The following SAMMSON variants were observed in gnomAD, a reference collection of about 807,000 sequenced individuals.
SAMMSON encodes the protein long intergenic non-protein coding RNA 1212.
chr3:70,185,791 C>T (rs1576147241), intron 4 of SAMMSON, among the ~76,000 whole-genome samples: 1 of 111,004 alleles, frequency 9.0e-6, no homozygotes, highest in Non-Finnish European at 1.8e-5. Flanking sequence ...AGCAGCATAG[C>T]AAGACCCCGC....
chr3:70,313,189 C>G (rs1702469821), intron 7 of SAMMSON, among the ~76,000 whole-genome samples: 1 of 152,108 alleles, frequency 6.6e-6, no homozygotes, highest in Non-Finnish European at 1.5e-5. Flanking sequence ...TTTTGCCAGA[C>G]ATGGTGGCTC....
chr3:70,220,891 A>G (rs1701456027), intron 4 of SAMMSON, among the ~76,000 whole-genome samples: 2 of 152,146 alleles, frequency 1.3e-5, no homozygotes, highest in South Asian at 4.1e-4. Flanking sequence ...GAGGGGAACC[A>G]TGCCTTGGCA....
rs551531989 is a variant in SAMMSON at position 70,358,560 on chromosome 3, G to A, written n.913+236G>A. Among the ~76,000 whole-genome samples the A allele has an allele frequency of 1.2e-3, 179 of 152,218 alleles. 1 individual carries two copies. The highest frequency in any genetic ancestry group is 4.2e-3 in the African/African-American group (175 of 41,552). ...GAAAAGAAACAGATGGCAAGTAATT[G>A]AGAGCTCATTGGCCAGAAGTGGCAT... On this transcript the variant is annotated intron_variant and non_coding_transcript_variant, in intron 9 of 9. Coordinates refer to ENST00000642114, the Ensembl canonical transcript of SAMMSON.
chr3:70,170,133 GT>G, intron 4 of SAMMSON, among the ~76,000 whole-genome samples: 1 of 151,970 alleles, frequency 6.6e-6, no homozygotes, highest in Admixed American at 6.6e-5. Context: ...ACTACCGGGA[GT>G]TTTATGATTT....
At chr3:70,031,714 G>A (rs1491695) in intron 3 of SAMMSON, among the ~76,000 whole-genome samples, 85,319 of 151,950 alleles carry the variant, frequency 0.56, 25,749 homozygotes, top group African/African-American at 0.77. Flanking sequence ...GTGTATGCCT[G>A]ATTAGTGGGA....
rs563192179 is a variant in SAMMSON, at chr3:70,356,207, C to T, written n.842+1930C>T. ...ATTAACTTTTTTACAAAATCATTGG[C>T]TTTTTATAGATTATAAAATAGTATA... On this transcript the variant is annotated intron_variant and non_coding_transcript_variant, in intron 8 of 9. Transcript: ENST00000642114. 1.4e-4 allele frequency among the ~76,000 whole-genome samples: 22 copies of T among 152,128 alleles called. No individual in the cohort carries two copies. In the East Asian group the frequency reaches 4.3e-3, roughly 29 times the overall value.
At chr3:70,197,550 A>C (rs575043295) in intron 4 of SAMMSON, among the ~76,000 whole-genome samples, 11 of 152,304 alleles carry the variant, frequency 7.2e-5, no homozygotes, top group African/African-American at 2.6e-4. Flanking sequence ...GGACTCCCCA[A>C]ATACAAGGGG....
chr3:70,044,600 G>A (rs1350215366), intron 3 of SAMMSON, among the ~76,000 whole-genome samples: 1 of 151,874 alleles, frequency 6.6e-6, no homozygotes, highest in Non-Finnish European at 1.5e-5. Context: ...GTGAAGATAC[G>A]GATTGGTGTC....
At chr3:70,057,852 G>A (rs940504824) in intron 3 of SAMMSON, among the ~76,000 whole-genome samples, 6 of 152,022 alleles carry the variant, frequency 3.9e-5, no homozygotes, top group Admixed American at 1.3e-4. Context: ...GGCAAACACT[G>A]TCATTTTCTC....
chr3:70,400,205 C>T (rs1701128734), intron 2 of SAMMSON, among the ~76,000 whole-genome samples: 1 of 152,096 alleles, frequency 6.6e-6, no homozygotes, highest in African/African-American at 2.4e-5. Flanking sequence ...AGACATTGCA[C>T]ACAAATATGG....
At chr3:70,364,853 A>G (rs1702907665) in intron 9 of SAMMSON, among the ~76,000 whole-genome samples, 1 of 150,622 alleles carries the variant, frequency 6.6e-6, no homozygotes, top group African/African-American at 2.4e-5. Context: ...ATCTCTTACT[A>G]TTTTTTCCAC....
intron 4 of SAMMSON, among the ~76,000 whole-genome samples, chr3:70,216,471 C>T (rs368859394): frequency 1.5e-4 from 23 of 151,906 alleles, no homozygotes; most frequent in South Asian, 4.1e-4. Context: ...ACACAGAAAA[C>T]GCGGGGATAT....
intron 7 of SAMMSON, among the ~76,000 whole-genome samples, chr3:70,300,722 A>T (rs1181261833): frequency 6.6e-6 from 1 of 152,104 alleles, no homozygotes; most frequent in Admixed American, 6.6e-5. Context: ...TTCTTCTGTC[A>T]TAGAACAAGT....
At chr3:70,018,880 A>G in intron 3 of SAMMSON, among the ~76,000 whole-genome samples, 1 of 152,138 alleles carries the variant, frequency 6.6e-6, no homozygotes, top group Non-Finnish European at 1.5e-5. Flanking sequence ...GTTTCCATGT[A>G]GTTGAGTGGT....
intron 6 of SAMMSON, among the ~76,000 whole-genome samples, chr3:70,281,004 T>G (rs1559552776): frequency 6.6e-6 from 1 of 152,166 alleles, no homozygotes; most frequent in African/African-American, 2.4e-5. Flanking sequence ...AACTTACGTA[T>G]AAAAAAATGA....
intron 8 of SAMMSON, among the ~76,000 whole-genome samples, chr3:70,357,573 C>T (rs1480049032): frequency 6.6e-6 from 1 of 151,924 alleles, no homozygotes; most frequent in African/African-American, 2.4e-5. Context: ...ACAACACACA[C>T]CAGGGCCTGC....
chr3:70,141,818 A>T (rs7638349), intron 4 of SAMMSON, among the ~76,000 whole-genome samples: 3 of 152,140 alleles, frequency 2.0e-5, no homozygotes, highest in African/African-American at 7.2e-5. Context: ...CAGCTAAAAG[A>T]ATAGAGCCAG....
At chr3:70,342,959 A>AGTTGTGGGT (rs1175505199) in intron 7 of SAMMSON, among the ~76,000 whole-genome samples, 1 of 152,210 alleles carries the variant, frequency 6.6e-6, no homozygotes, top group Non-Finnish European at 1.5e-5. Context: ...ACTAAAAGTT[A>AGTTGTGGGT]GTTGTGGGTG....
intron 6 of SAMMSON, among the ~76,000 whole-genome samples, chr3:70,283,246 C>A (rs1702106516): frequency 6.6e-6 from 1 of 152,036 alleles, no homozygotes; most frequent in African/African-American, 2.4e-5. Flanking sequence ...TTGCGGGAAC[C>A]TTGTAAACTC....
Sources: allele counts gnomAD v4.1 joint callset (sites outside exome capture counted in the v4.1 genomes callset), GRCh38; gene constraint gnomAD v4.1.1; transcripts MANE v1.5; gene names NCBI Gene and HGNC (gene_info 2026-07-23, HGNC 2026-07-21).